DNAH14: variants seen among roughly 807,000 people sequenced by gnomAD.
The protein encoded by DNAH14 is axonemal beta dynein heavy chain 14.
A neutral mutation model predicts 520.9 loss-of-function variants in DNAH14; 478 were observed. That is an observed-to-expected ratio of 0.92 (90% CI 0.85 to 0.99). The LOEUF (loss-of-function observed/expected upper bound fraction) is 0.99. Ranked by LOEUF, DNAH14 falls within the 50% of genes least tolerant of loss-of-function variation. The pLI, the probability that DNAH14 is intolerant of heterozygous loss-of-function variation, is 0.00. For synonymous variants in DNAH14, 1,581 were observed against 1,757.2 expected (o/e 0.90, Z 2.51); for missense variants, 4,831 against 5,234.5 (o/e 0.92, Z 2.38).
chr1:225,306,758 G>A (rs1248551401), intron 58 of DNAH14, among the ~76,000 whole-genome samples: 1 of 151,914 alleles, frequency 6.6e-6, no homozygotes, highest in Non-Finnish European at 1.5e-5. Flanking sequence ...GGCCATGCCA[G>A]GACAATCTTA....
chr1:225,365,455 C>T (rs774144895), intron 76 of DNAH14, among the ~76,000 whole-genome samples: 17 of 152,298 alleles, frequency 1.1e-4, no homozygotes, highest in South Asian at 2.1e-4. Context: ...CTCCCGATCA[C>T]GTGCACACTA....
chr1:225,214,510 G>C (rs2088985998), intron 41 of DNAH14, among the ~76,000 whole-genome samples: 1 of 152,140 alleles, frequency 6.6e-6, no homozygotes, highest in African/African-American at 2.4e-5. Flanking sequence ...ACCTCTGGTA[G>C]AATTCAGCTG....
At chr1:225,082,195 T>C (rs1047381362) in intron 19 of DNAH14, among the ~76,000 whole-genome samples, 1 of 151,824 alleles carries the variant, frequency 6.6e-6, no homozygotes, top group East Asian at 1.9e-4. Context: ...TGTGTGTGTG[T>C]GTGCACATGC....
chr1:225,190,790 G>A (rs1391503371), intron 37 of DNAH14, among the ~76,000 whole-genome samples: 1 of 151,958 alleles, frequency 6.6e-6, no homozygotes, highest in Non-Finnish European at 1.5e-5. Flanking sequence ...AATCAAAACT[G>A]CTAACAACTT....
intron 69 of DNAH14, among the ~76,000 whole-genome samples, chr1:225,343,091 A>C (rs1267342650): frequency 1.3e-5 from 2 of 152,166 alleles, no homozygotes; most frequent in Non-Finnish European, 1.5e-5. Context: ...TCCCCACCGG[A>C]AGGATGTAGG....
chr1:225,211,884 T>G (rs2088482850), intron 41 of DNAH14, among the ~76,000 whole-genome samples: 1 of 150,176 alleles, frequency 6.7e-6, no homozygotes, highest in South Asian at 2.1e-4. Flanking sequence ...ATTTATTTAT[T>G]TATTTATTTA....
chr1:225,079,450 A>C lies in DNAH14; in HGVS notation c.2668A>C (p.Ser890Arg). 6.5e-7 allele frequency: 1 copy of C among 1,548,330 alleles called. No homozygotes were observed. Among genetic ancestry groups the C allele is most frequent in the Non-Finnish European group, 8.7e-7 (1 of 1,146,188 alleles). The stretch of plus-strand genomic sequence containing the variant: ...TCAACTAAAATCATCTATGAAGTTA[A>C]GTAAAATAAATAAAGACACTGCTAT... ...FSQLKSSMKL[S>R]KINKDTAITK... Residue 890 changes from serine to arginine, a missense_variant, in exon 18 of 86, where the codon AGT becomes CGT. Ser to Arg is a moderately radical substitution (Grantham distance 110). Coordinates refer to ENST00000682510, the MANE Select transcript of DNAH14 (RefSeq NM_001367479.1).
chr1:225,261,141 G>A (rs1209716075), intron 46 of DNAH14, among the ~76,000 whole-genome samples: 1 of 152,006 alleles, frequency 6.6e-6, no homozygotes, highest in Non-Finnish European at 1.5e-5. Context: ...TTCTTTCCTT[G>A]CCTAATTGCT....
chr1:225,302,844 C>G (rs541693089), intron 56 of DNAH14, among the ~76,000 whole-genome samples: 1 of 152,100 alleles, frequency 6.6e-6, no homozygotes, highest in African/African-American at 2.4e-5. Flanking sequence ...CCACACCACC[C>G]CAGAGGAAAG....
At chr1:225,353,358 T>A (rs955221700) in intron 72 of DNAH14, among the ~76,000 whole-genome samples, 2 of 152,126 alleles carry the variant, frequency 1.3e-5, no homozygotes, top group Non-Finnish European at 2.9e-5. Flanking sequence ...GATAATCTGG[T>A]TGCATTTTCA....
At chr1:225,204,390 C>T (rs757608078) in intron 39 of DNAH14, 117 bp downstream of exon 39, 5 of 591,008 alleles carry the variant, frequency 8.5e-6, no homozygotes, top group South Asian at 2.7e-5. Context: ...TGTTCCTGTA[C>T]CATTTATTTG....
chr1:224,959,014 T>C lies in DNAH14; in HGVS notation c.218-1139T>C, dbSNP rs113260623. On this transcript the variant is annotated intron_variant, in intron 3 of 85. Transcript: ENST00000682510. ...GAGAGTAAGGAGTGTTAAAACAAGCTCACTTTCCAATCTTGAGGTAAATGG... is the reference window on the plus strand; with the variant it reads ...GAGAGTAAGGAGTGTTAAAACAAGCCCACTTTCCAATCTTGAGGTAAATGG... 3.9e-3 allele frequency among the ~76,000 whole-genome samples: 587 copies of C among 152,132 alleles called. 5 individuals carry two copies. Among genetic ancestry groups the C allele is most frequent in the African/African-American group, 0.013 (555 of 41,520 alleles).
At chr1:225,321,343 G>A (rs1410592551) in intron 61 of DNAH14, among the ~76,000 whole-genome samples, 3 of 152,118 alleles carry the variant, frequency 2.0e-5, no homozygotes, top group Non-Finnish European at 4.4e-5. Flanking sequence ...GTACCTGGGT[G>A]ATGAAATAAC....
Position 225,145,381 on chromosome 1 carries a change from T to C in DNAH14, c.4794+2T>C, listed in dbSNP as rs779973634. On this transcript the variant is annotated splice_donor_variant, in intron 30 of 85. Coordinates refer to ENST00000682510, the MANE Select transcript of DNAH14 (RefSeq NM_001367479.1). LOFTEE classifies it high-confidence loss of function. The stretch of plus-strand genomic sequence containing the variant: ...TGTTTTGAGGATTTGGATTATAAGG[T>C]AAACCTTAAACATATGTGTCAGGAA... 2.6e-6 allele frequency: 4 copies of C among 1,543,342 alleles called. No homozygotes were observed. In the South Asian group the frequency reaches 4.9e-5, roughly 19 times the overall value.
At chr1:225,186,841 T>C (rs983248016) in intron 37 of DNAH14, among the ~76,000 whole-genome samples, 2 of 151,844 alleles carry the variant, frequency 1.3e-5, no homozygotes, top group Non-Finnish European at 3.0e-5. Context: ...ACATGTTTAA[T>C]AGTTTTAAAT....
intron 58 of DNAH14, 79 bp downstream of exon 58, chr1:225,305,168 G>T: frequency 9.7e-6 from 14 of 1,446,996 alleles, no homozygotes; most frequent in Non-Finnish European, 1.3e-5. Context: ...ATGCAAAATG[G>T]TGAGCCAAAT....
At position 225,309,956 on chromosome 1, in the gene DNAH14, G is replaced by C. The variant is rs964781836; in HGVS notation, c.9240+1546G>C. On this transcript the variant is annotated intron_variant, in intron 60 of 85. Coordinates refer to ENST00000682510, the MANE Select transcript of DNAH14 (RefSeq NM_001367479.1). ...GCGAGTTAATGGGTGCAGCACACCAGCATGGCACATGTATACATATGTAAC... is the reference window on the plus strand; with the variant it reads ...GCGAGTTAATGGGTGCAGCACACCACCATGGCACATGTATACATATGTAAC... Among the ~76,000 whole-genome samples, 3 of 151,804 alleles carry C rather than the reference G, an allele frequency of 2.0e-5. No individual in the cohort carries two copies. The East Asian group carries it at 5.8e-4, about 29-fold the overall frequency.
rs1465216051 is a variant in DNAH14 at position 225,333,370 on chromosome 1, G to A, written c.9944G>A (p.Cys3315Tyr). Residue 3315 changes from cysteine (C) to tyrosine (Y), a missense_variant, in exon 66 of 86, where the codon TGC becomes TAC. Cys to Tyr is a radical substitution (Grantham distance 194). Coordinates refer to ENST00000682510, the MANE Select transcript of DNAH14 (RefSeq NM_001367479.1). ...ILGDILLSAA[C>Y]IVYSGILTPE... Reference sequence around the variant, plus strand: ...GGTGACATACTTCTTTCAGCAGCGTGCATTGTCTACAGTGGAATTTTAACA... The same window carrying A: ...GGTGACATACTTCTTTCAGCAGCGTACATTGTCTACAGTGGAATTTTAACA... 2 of 1,551,732 alleles carry A rather than the reference G, an allele frequency of 1.3e-6. No homozygotes were observed. Among genetic ancestry groups the A allele is most frequent in the East Asian group, 2.4e-5 (1 of 40,864 alleles).
intron 8 of DNAH14, among the ~76,000 whole-genome samples, chr1:224,989,830 T>C (rs1389022228): frequency 1.3e-5 from 2 of 152,298 alleles, no homozygotes; most frequent in Middle Eastern, 6.8e-3. Flanking sequence ...GTGATTTTTT[T>C]CTTCTTTTGC....
Sources: allele counts gnomAD v4.1 joint callset (sites outside exome capture counted in the v4.1 genomes callset), GRCh38; gene constraint gnomAD v4.1.1; transcripts MANE v1.5; gene names NCBI Gene and HGNC (gene_info 2026-07-23, HGNC 2026-07-21).